Variants in IRF6 observed in about 807,000 individuals in gnomAD.
The protein encoded by IRF6 is interferon regulatory factor 6.
In IRF6, 6 loss-of-function variants were observed where a neutral mutation model predicts 51.4. The observed-to-expected ratio is 0.12, with a 90% CI of 0.06 to 0.23. The LOEUF (loss-of-function observed/expected upper bound fraction) is 0.23, where lower values mean the gene tolerates loss of function less well. IRF6 is among the 10% of genes least tolerant of loss of function. IRF6 has a pLI of 1.00. For missense variants in IRF6, 348 were observed against 585.2 expected, an observed-to-expected ratio of 0.59 and a Z score of 4.18; for synonymous variants, 178 against 215.7, an observed-to-expected ratio of 0.83 and a Z score of 1.53.
chr1:209,798,554 T>C (rs1208622243), intron 3 of IRF6, among the ~76,000 whole-genome samples: 1 of 152,136 alleles, frequency 6.6e-6, no homozygotes, highest in Non-Finnish European at 1.5e-5. Context: ...CCCACCCAGA[T>C]TGCACTGGGC....
At chr1:209,798,009 C>T (rs2077914533) in intron 3 of IRF6, among the ~76,000 whole-genome samples, 2 of 152,168 alleles carry the variant, frequency 1.3e-5, no homozygotes, top group Non-Finnish European at 2.9e-5. Context: ...TTTTCTGCCC[C>T]ATCCTTTGAG....
In IRF6 at chr1:209,788,253, T is replaced by A; in HGVS notation, c.*167A>T. 1.6e-6 allele frequency: 1 copy of A among 621,020 alleles called. No individual in the cohort carries two copies. The highest frequency in any genetic ancestry group is 2.8e-6 in the Non-Finnish European group (1 of 356,070). 38.5% of individuals were successfully genotyped at this position (621,020 alleles called of 1,614,324 possible). On this transcript the variant is annotated 3_prime_UTR_variant, in exon 9 of 9. Transcript: ENST00000367021. Reference sequence around the variant, plus strand: ...AAGAAAAGCAAAGTCTGAAGGGTGATTTTTCCATAAATTAAATCAGCTTTA... The same window carrying A: ...AAGAAAAGCAAAGTCTGAAGGGTGAATTTTCCATAAATTAAATCAGCTTTA...
chr1:209,789,838 C>G, intron 7 of IRF6, 53 bp from the exon 8 acceptor site: 1 of 1,132,714 alleles, frequency 8.8e-7, no homozygotes, highest in Non-Finnish European at 1.3e-6. Context: ...CACATCCACT[C>G]AACAAATACC....
intron 5 of IRF6, among the ~76,000 whole-genome samples, chr1:209,794,357 A>T (rs1188510405): frequency 6.6e-6 from 1 of 152,216 alleles, no homozygotes; most frequent in Non-Finnish European, 1.5e-5. Context: ...GACCTGCAAG[A>T]TCTCTATGAA....
intron 1 of IRF6, among the ~76,000 whole-genome samples, chr1:209,804,861 A>G (rs2077964339): frequency 1.3e-5 from 2 of 152,156 alleles, no homozygotes; most frequent in African/African-American, 4.8e-5. Flanking sequence ...CTCAGGTTAA[A>G]ACACACGCCA....
Position 209,786,990 on chromosome 1 carries a change from C to T in IRF6, c.*1430G>A, listed in dbSNP as rs1393974167. The T allele has an allele frequency of 6.6e-6, 1 of 152,520 alleles. No homozygotes were observed. Among genetic ancestry groups the T allele is most frequent in the East Asian group, 1.9e-4 (1 of 5,200 alleles). 9.4% of individuals were successfully genotyped at this position (152,520 alleles called of 1,614,324 possible). The stretch of plus-strand genomic sequence containing the variant: ...AGCATCTTATTTGCCATTTAGGTCC[C>T]AGATTGCTTGAGCCCAGGAGTTCAA... On this transcript the variant is annotated 3_prime_UTR_variant, in exon 9 of 9. Transcript: ENST00000367021.
intron 3 of IRF6, among the ~76,000 whole-genome samples, chr1:209,800,902 A>C (rs1196853462): frequency 2.6e-5 from 4 of 152,162 alleles, no homozygotes; most frequent in African/African-American, 9.7e-5. Flanking sequence ...CTGCATAGCA[A>C]GAGCTCTGAG....
intron 5 of IRF6, among the ~76,000 whole-genome samples, chr1:209,794,821 G>A (rs1439542796): frequency 3.3e-5 from 5 of 152,194 alleles, no homozygotes; most frequent in Admixed American, 6.5e-5. Flanking sequence ...TCCTATCAGA[G>A]CCAAGTACTA....
intron 5 of IRF6, among the ~76,000 whole-genome samples, chr1:209,793,815 G>A (rs545251868): frequency 2.6e-5 from 4 of 152,268 alleles, no homozygotes; most frequent in South Asian, 2.1e-4. Flanking sequence ...GTGGGAACAC[G>A]TAGTATTTGG....
intron 1 of IRF6, among the ~76,000 whole-genome samples, chr1:209,804,956 A>G (rs748401762): frequency 6.6e-6 from 1 of 152,130 alleles, no homozygotes; most frequent in Non-Finnish European, 1.5e-5. Context: ...TCCGTTCCTC[A>G]GGCTTCCCTG....
At chr1:209,789,830 C>T (rs1288608144) in intron 7 of IRF6, 45 bp from the exon 8 acceptor site, 1 of 1,257,122 alleles carries the variant, frequency 8.0e-7, no homozygotes, top group African/African-American at 1.5e-5. Flanking sequence ...GGTCATTCCA[C>T]ATCCACTCAA....
chr1:209,799,982 C>A (rs74469994), intron 3 of IRF6, among the ~76,000 whole-genome samples: 1 of 152,190 alleles, frequency 6.6e-6, no homozygotes, highest in Non-Finnish European at 1.5e-5. Flanking sequence ...TTGAACCCTG[C>A]GCTTACATTT....
At chr1:209,797,855 C>G (rs571075469) in intron 3 of IRF6, among the ~76,000 whole-genome samples, 1 of 152,046 alleles carries the variant, frequency 6.6e-6, no homozygotes, top group Non-Finnish European at 1.5e-5. Context: ...GTTCTGATGC[C>G]GAAAAAGTAG....
At chr1:209,800,525 G>A (rs541625958) in intron 3 of IRF6, among the ~76,000 whole-genome samples, 11 of 152,176 alleles carry the variant, frequency 7.2e-5, no homozygotes, top group Non-Finnish European at 1.5e-4. Flanking sequence ...GGGAGGCTAA[G>A]GAGGGAGGAT....
Position 209,792,227 on chromosome 1 carries a change from T to C in IRF6, c.667+42A>G, listed in dbSNP as rs371453286. 244 of 1,590,666 alleles carry C rather than the reference T, an allele frequency of 1.5e-4. 2 individuals carry two copies. The highest frequency in any genetic ancestry group is 2.0e-4 in the Non-Finnish European group (229 of 1,158,856). ...AAGCAGGACAGGAAAGAGTCTATAA[T>C]AGAAGCAGAAGACCGAGCAAGAAAG... On this transcript the variant is annotated intron_variant, in intron 6 of 8. Coordinates refer to ENST00000367021, the MANE Select transcript of IRF6 (RefSeq NM_006147.4).
Position 209,790,353 on chromosome 1 carries a change from G to A in IRF6, c.1060+142C>T, listed in dbSNP as rs141585955. On this transcript the variant is annotated intron_variant, in intron 7 of 8. Transcript: ENST00000367021. The surrounding 1 kb of genome is among the most constrained non-coding windows in gnomAD (Gnocchi z 4.8). ...CTCCAATTTTTAGAACCAAAGTTCT[G>A]TTCTCCCTTGACCTCCTCCAGACTA... The A allele has an allele frequency of 3.8e-5, 35 of 917,826 alleles. No individual in the cohort carries two copies. The highest frequency in any genetic ancestry group is 2.5e-4 in the African/African-American group (15 of 60,778). The allele number at this position is 917,826 out of a possible 1,614,324, so 56.9% of individuals were successfully genotyped here. A position where few individuals can be genotyped will look rare whatever the true frequency, so the allele number is the denominator to read the frequency against.
chr1:209,795,395 C>T lies in IRF6; in HGVS notation c.403G>A (p.Asp135Asn). 1 of 1,614,190 alleles carries T rather than the reference C, an allele frequency of 6.2e-7. No individual in the cohort carries two copies. The highest frequency in any genetic ancestry group is 1.1e-5 in the South Asian group (1 of 91,090). The change falls in exon 5 of 9, where the codon GAT becomes AAT. Residue 135 changes from aspartate (D) to asparagine (N), a missense_variant. By Grantham distance (23) the Asp-to-Asn change is conservative (BLOSUM62 1). Coordinates refer to ENST00000367021, the MANE Select transcript of IRF6 (RefSeq NM_006147.4). ...TCATCCACATCATTATCCTTCTCAT[C>T]CCAGGGAGCAGACCCTGTGGATCCT... is the stretch of plus-strand genomic sequence containing the variant. ...NPGSTGSAPWDEKDNDVDEED... is the reference protein window; with the variant it reads ...NPGSTGSAPWNEKDNDVDEED...
At position 209,786,726 on chromosome 1, in the gene IRF6, G is replaced by A. The variant is rs778941285; in HGVS notation, c.*1694C>T. Reference sequence around the variant, plus strand: ...TTTTCATAATAGCAAATTCCACTAGGTCTCTTAGAAACTCTAAAACCAAGG... The same window carrying A: ...TTTTCATAATAGCAAATTCCACTAGATCTCTTAGAAACTCTAAAACCAAGG... On this transcript the variant is annotated 3_prime_UTR_variant, in exon 9 of 9. Transcript: ENST00000367021. 6.7e-6 allele frequency: 1 copy of A among 149,382 alleles called. No individual in the cohort carries two copies. Among genetic ancestry groups the A allele is most frequent in the Non-Finnish European group, 1.5e-5 (1 of 67,078 alleles). The allele number at this position is 149,382 out of a possible 1,614,324, so 9.3% of individuals were successfully genotyped here. A position where few individuals can be genotyped will look rare whatever the true frequency, so the allele number is the denominator to read the frequency against.
At chr1:209,791,785 T>TTTGTTG (rs138788153) in intron 6 of IRF6, among the ~76,000 whole-genome samples, 1 of 152,064 alleles carries the variant, frequency 6.6e-6, no homozygotes, top group African/African-American at 2.4e-5. Flanking sequence ...AGCCAATGTT[T>TTTGTTG]TTGTTGTTGT....
Sources: gnomAD v4.1 joint callset for allele counts (sites outside exome capture counted in the v4.1 genomes callset) on GRCh38, gnomAD v4.1.1 for gene constraint, Gnocchi (gnomAD v3.1) non-coding constraint, MANE v1.5 for transcripts, NCBI Gene and HGNC (gene_info 2026-07-23, HGNC 2026-07-21) for gene names.